ST18: variants seen among roughly 807,000 people sequenced by gnomAD.
ST18 encodes suppression of tumorigenicity 18 protein.
In ST18, 50 loss-of-function variants were observed where a neutral mutation model predicts 110.0. The observed-to-expected ratio is 0.45, with a 90% CI of 0.36 to 0.58. The LOEUF is 0.58. ST18 is among the 20% of genes least tolerant of loss of function. The pLI, the probability that ST18 is intolerant of heterozygous loss-of-function variation, is 0.00. For missense variants in ST18, 1,306 were observed against 1,280.1 expected, an observed-to-expected ratio of 1.02 and a Z score of -0.31; for synonymous variants, 461 against 452.4, an observed-to-expected ratio of 1.02 and a Z score of -0.24.
chr8:52,346,396 G>GA (rs1440036593), intron 2 of ST18, among the ~76,000 whole-genome samples: 10 of 152,108 alleles, frequency 6.6e-5, no homozygotes, highest in Admixed American at 4.6e-4. Context: ...AATATACAAT[G>GA]AAAAAATCCC....
Position 52,234,728 on chromosome 8 carries a change from GGTGTGTGTGT to G in ST18, c.-464-4661_-464-4652del, listed in dbSNP as rs3054614. 1.4e-3 allele frequency among the ~76,000 whole-genome samples: 205 copies of G among 145,704 alleles called. 1 individual carries two copies. The highest frequency in any genetic ancestry group is 4.9e-3 in the African/African-American group (194 of 39,338). Reference sequence around the variant, plus strand: ...ATCAACAAGTGGATAAAGAAACTATGGTGTGTGTGTGTGTGTGTGTGTGTGTGTGTGTGTG... The same window carrying G: ...ATCAACAAGTGGATAAAGAAACTATGGTGTGTGTGTGTGTGTGTGTGTGTG... On this transcript the variant is annotated intron_variant, in intron 2 of 25. Coordinates refer to ENST00000689386, the MANE Select transcript of ST18 (RefSeq NM_001352837.2).
rs529581307 is a variant in ST18, at chr8:52,214,711, A to G, written c.1-454T>C. ...AAAAAAATGATTCCTCGTGTAAAAAAGCACCATGAAGACAAACCCCTCAAA... is the reference window on the plus strand; with the variant it reads ...AAAAAAATGATTCCTCGTGTAAAAAGGCACCATGAAGACAAACCCCTCAAA... On this transcript the variant is annotated intron_variant, in intron 6 of 25. Coordinates refer to ENST00000689386, the MANE Select transcript of ST18 (RefSeq NM_001352837.2). Among the ~76,000 whole-genome samples the G allele has an allele frequency of 3.3e-5, 5 of 152,322 alleles. No homozygotes were observed. In the South Asian group the frequency reaches 1.0e-3, roughly 32 times the overall value.
intron 2 of ST18, among the ~76,000 whole-genome samples, chr8:52,304,010 C>T (rs2095773339): frequency 6.6e-6 from 1 of 152,122 alleles, no homozygotes; most frequent in Non-Finnish European, 1.5e-5. Context: ...GGTGGTGGGG[C>T]ATCATGTTGG....
Position 52,171,449 on chromosome 8 carries a change from T to G in ST18, c.1069+343A>C, listed in dbSNP as rs959851867. 4 of 378,492 alleles carry G rather than the reference T, an allele frequency of 1.1e-5. No individual in the cohort carries two copies. The Admixed American group carries it at 1.4e-4, about 14-fold the overall frequency. The allele number at this position is 378,492 out of a possible 1,614,324, so 23.4% of individuals were successfully genotyped here. A position where few individuals can be genotyped will look rare whatever the true frequency, so the allele number is the denominator to read the frequency against. Reference sequence around the variant, plus strand: ...GGGTGGGAAAGAAAAATTAAGTTTCTGGAAGATTTAAGATCCAGTAAATAC... The same window carrying G: ...GGGTGGGAAAGAAAAATTAAGTTTCGGGAAGATTTAAGATCCAGTAAATAC... On this transcript the variant is annotated intron_variant, in intron 10 of 25. Coordinates refer to ENST00000689386, the MANE Select transcript of ST18 (RefSeq NM_001352837.2).
intron 2 of ST18, among the ~76,000 whole-genome samples, chr8:52,263,748 T>C (rs2094776113): frequency 7.2e-6 from 1 of 138,442 alleles, no homozygotes; most frequent in South Asian, 2.3e-4. Flanking sequence ...CCTGGCTTTT[T>C]TTTTTTTTTT....
intron 2 of ST18, among the ~76,000 whole-genome samples, chr8:52,300,082 G>A (rs902327363): frequency 2.0e-5 from 3 of 152,182 alleles, no homozygotes; most frequent in Admixed American, 1.3e-4. Flanking sequence ...TCAGCCTTCC[G>A]TTGATTCCTT....
chr8:52,396,182 C>A (rs1266567449), intron 2 of ST18, among the ~76,000 whole-genome samples: 1 of 152,064 alleles, frequency 6.6e-6, no homozygotes, highest in Non-Finnish European at 1.5e-5. Flanking sequence ...TTACAAAAAT[C>A]CCTATTACAA....
chr8:52,133,203 C>A, intron 20 of ST18, 36 bp downstream of exon 20: 2 of 1,614,148 alleles, frequency 1.2e-6, no homozygotes, highest in Non-Finnish European at 1.7e-6. Flanking sequence ...TGCCGACAAG[C>A]TCATTTCCAC....
At chr8:52,360,039 A>G (rs1590230465) in intron 2 of ST18, among the ~76,000 whole-genome samples, 1 of 152,276 alleles carries the variant, frequency 6.6e-6, no homozygotes, top group East Asian at 1.9e-4. Flanking sequence ...ACTGACTTAT[A>G]TAAAATTAGT....
intron 2 of ST18, among the ~76,000 whole-genome samples, chr8:52,372,064 A>G (rs559929943): frequency 6.6e-6 from 1 of 152,190 alleles, no homozygotes; most frequent in Admixed American, 6.5e-5. Flanking sequence ...GTTGTCATAG[A>G]GATGACAGCT....
In ST18 at chr8:52,112,933, AAAAAAG is replaced by A. The variant is rs1350784428; in HGVS notation, c.*259_*264del. 7.1e-6 allele frequency: 2 copies of A among 282,462 alleles called. No homozygotes were observed. The highest frequency in any genetic ancestry group is 1.3e-5 in the Non-Finnish European group (2 of 154,426). 17.5% of individuals were successfully genotyped at this position (282,462 alleles called of 1,614,324 possible). On this transcript the variant is annotated 3_prime_UTR_variant, in exon 26 of 26. Transcript: ENST00000689386. Reference sequence around the variant, plus strand: ...TTATTTTACATATACTTTACAAAAAAAAAAAGAGTACAATGAAGAAATAAAAGAAAA... The same window carrying A: ...TTATTTTACATATACTTTACAAAAAAAGTACAATGAAGAAATAAAAGAAAA...
At chr8:52,391,148 G>A (rs1462759908) in intron 2 of ST18, among the ~76,000 whole-genome samples, 1 of 152,200 alleles carries the variant, frequency 6.6e-6, no homozygotes, top group African/African-American at 2.4e-5. Flanking sequence ...GTCCTACCAG[G>A]TGTCAGCGCC....
At position 52,166,020 on chromosome 8, in the gene ST18, C is replaced by T. The variant is rs370526765; in HGVS notation, c.1205-795G>A. Among the ~76,000 whole-genome samples the T allele has an allele frequency of 1.2e-4, 19 of 152,266 alleles. No homozygotes were observed. In the East Asian group the frequency reaches 3.1e-3, roughly 25 times the overall value. ...TGCTCCTACTCAGGGCCCTCCACTG[C>T]TGCAGGATGTCCTGAGACAACACCA... On this transcript the variant is annotated intron_variant, in intron 11 of 25. Transcript: ENST00000689386.
chr8:52,346,342 G>A (rs1817763608), intron 2 of ST18, among the ~76,000 whole-genome samples: 2 of 151,464 alleles, frequency 1.3e-5, no homozygotes. Context: ...AAGACACAAA[G>A]ACCAAGAATA....
intron 14 of ST18, among the ~76,000 whole-genome samples, chr8:52,160,374 T>C (rs1027091143): frequency 6.6e-6 from 1 of 152,208 alleles, no homozygotes; most frequent in Non-Finnish European, 1.5e-5. Flanking sequence ...ATAGGCAAAT[T>C]CCTTTCAAGT....
intron 19 of ST18, 45 bp from the exon 20 acceptor site, chr8:52,133,346 G>A (rs1363177918): frequency 1.9e-6 from 3 of 1,607,890 alleles, no homozygotes; most frequent in Non-Finnish European, 2.6e-6. Flanking sequence ...GTTGTAGTTG[G>A]GGGAGTGGGG....
At chr8:52,369,906 T>C (rs1454087189) in intron 2 of ST18, among the ~76,000 whole-genome samples, 1 of 152,208 alleles carries the variant, frequency 6.6e-6, no homozygotes, top group Non-Finnish European at 1.5e-5. Context: ...GACAATTGCC[T>C]GAAAATGCTC....
chr8:52,214,886 A>G (rs1485132851), intron 6 of ST18, among the ~76,000 whole-genome samples: 3 of 152,212 alleles, frequency 2.0e-5, no homozygotes, highest in Non-Finnish European at 2.9e-5. Flanking sequence ...AAATTCTCCA[A>G]AACATCATTA....
intron 2 of ST18, among the ~76,000 whole-genome samples, chr8:52,255,397 C>T (rs1441425368): frequency 6.6e-6 from 1 of 152,174 alleles, no homozygotes; most frequent in African/African-American, 2.4e-5. Flanking sequence ...AAATTTGCCA[C>T]AAGCCCTTTT....
Sources: allele counts gnomAD v4.1 joint callset (sites outside exome capture counted in the v4.1 genomes callset), GRCh38; gene constraint gnomAD v4.1.1; transcripts MANE v1.5; gene names NCBI Gene and HGNC (gene_info 2026-07-23, HGNC 2026-07-21).